PRH1: variants seen among roughly 807,000 people sequenced by gnomAD.
PRH1 encodes proline rich protein HaeIII subfamily 1.
PRH1 carries 7 observed loss-of-function variants against 7.9 expected under a neutral mutation model. The ratio of observed to expected loss-of-function variants is 0.89; its 90% CI spans 0.50 to 1.67. PRH1 has a LOEUF of 1.67. PRH1 is among the 40% of genes most tolerant of loss of function. PRH1 has a pLI of 0.00. For missense variants in PRH1, 109 were observed against 223.6 expected (o/e 0.49, Z 3.27); for synonymous variants, 45 against 80.8 (o/e 0.56, Z 2.38).
intron 2 of PRH1, among the ~76,000 whole-genome samples, chr12:10,969,558 C>G (rs538880838): frequency 7.1e-6 from 1 of 141,842 alleles, no homozygotes; most frequent in African/African-American, 2.6e-5. Context: ...AGTTTGCTAG[C>G]TATTTTTTTT....
At chr12:11,055,971 T>C (rs1035725434) in intron 1 of PRH1, among the ~76,000 whole-genome samples, 1 of 152,262 alleles carries the variant, frequency 6.6e-6, no homozygotes, top group Non-Finnish European at 1.5e-5. Flanking sequence ...AACTAATAAT[T>C]TTGTATAACT....
chr12:10,994,318 A>T (rs1014674091), intron 1 of PRH1, among the ~76,000 whole-genome samples: 43 of 152,132 alleles, frequency 2.8e-4, no homozygotes, highest in African/African-American at 1.0e-3. Flanking sequence ...CCTCAGGGAA[A>T]CCCTGGCCAG....
At chr12:10,911,927 A>T (rs1175731998) in intron 2 of PRH1, among the ~76,000 whole-genome samples, 7 of 152,154 alleles carry the variant, frequency 4.6e-5, no homozygotes, top group Non-Finnish European at 1.0e-4. Context: ...AACTATCTGC[A>T]ATTCAAATCA....
At chr12:10,954,622 C>A (rs1253845596) in intron 2 of PRH1, among the ~76,000 whole-genome samples, 1 of 152,128 alleles carries the variant, frequency 6.6e-6, no homozygotes, top group Non-Finnish European at 1.5e-5. Flanking sequence ...TGTGCACCAC[C>A]ATGACTGGCT....
chr12:11,002,280 T>C (rs373301172), intron 1 of PRH1, among the ~76,000 whole-genome samples: 1 of 152,110 alleles, frequency 6.6e-6, no homozygotes, highest in Non-Finnish European at 1.5e-5. Context: ...TCTATAAATG[T>C]GACTTCAATC....
intron 1 of PRH1, among the ~76,000 whole-genome samples, chr12:11,072,111 G>A (rs142494492): frequency 6.6e-3 from 994 of 151,262 alleles, no homozygotes; most frequent in Non-Finnish European, 0.01. Flanking sequence ...GGGACTACAG[G>A]TGAGCACCAC....
In PRH1 at chr12:11,136,193, T is replaced by C. The variant is rs531956258; in HGVS notation, n.40-15013A>G. Among the ~76,000 whole-genome samples the C allele has an allele frequency of 9.2e-5, 14 of 152,348 alleles. No homozygotes were observed. In the South Asian group the frequency reaches 2.9e-3, roughly 32 times the overall value. On this transcript the variant is annotated intron_variant and non_coding_transcript_variant, in intron 1 of 1. Coordinates refer to the PRH1 transcript ENST00000541175. ...ACTAGGTATGCAACCCTAAACTCCA[T>C]CGCTTGGTCTGGCCTGCTTTGAACT...
At chr12:11,007,885 C>T (rs1940899698) in intron 1 of PRH1, among the ~76,000 whole-genome samples, 2 of 151,994 alleles carry the variant, frequency 1.3e-5, no homozygotes, top group African/African-American at 4.8e-5. Context: ...CCACCCAAAC[C>T]CAGCTTAGGA....
intron 2 of PRH1, chr12:10,937,736 G>A (rs1161920693): frequency 6.6e-6 from 1 of 152,242 alleles, no homozygotes; most frequent in African/African-American, 2.4e-5. Context: ...AATGAGCAAA[G>A]CAAATGTGGT....
chr12:11,001,325 C>CT (rs913783457), intron 1 of PRH1, among the ~76,000 whole-genome samples: 1 of 152,074 alleles, frequency 6.6e-6, no homozygotes, highest in East Asian at 1.9e-4. Context: ...AAATTTTACT[C>CT]TTTTTTTATT....
intron 1 of PRH1, among the ~76,000 whole-genome samples, chr12:11,103,015 T>C (rs1017895912): frequency 2.0e-5 from 3 of 152,106 alleles, no homozygotes; most frequent in South Asian, 4.2e-4. Context: ...CCAGTTAGAA[T>C]GGCAATCATT....
intron 1 of PRH1, among the ~76,000 whole-genome samples, chr12:11,150,273 G>C (rs1049373638): frequency 6.6e-6 from 1 of 151,798 alleles, no homozygotes; most frequent in African/African-American, 2.4e-5. Context: ...GATTCCTCAG[G>C]GATCTAGAGC....
chr12:11,057,373 T>G (rs996185065), intron 1 of PRH1, among the ~76,000 whole-genome samples: 4 of 152,146 alleles, frequency 2.6e-5, no homozygotes, highest in Non-Finnish European at 5.9e-5. Context: ...ATCTAATCAG[T>G]TTGTAGTTAC....
intron 1 of PRH1, chr12:11,030,261 A>G (rs1229445603): frequency 1.6e-5 from 16 of 1,022,728 alleles, no homozygotes; most frequent in Non-Finnish European, 1.9e-5. Context: ...TTCTAGACTA[A>G]TATTAGGTCA....
chr12:10,946,552 C>G (rs144863430), intron 2 of PRH1, among the ~76,000 whole-genome samples: 3,008 of 152,198 alleles, frequency 0.02, 34 homozygotes, highest in South Asian at 0.031. Flanking sequence ...AATTAGTCTA[C>G]CTAGTGGCCT....
At chr12:10,973,086 A>G (rs1474331493) in intron 2 of PRH1, among the ~76,000 whole-genome samples, 2 of 151,998 alleles carry the variant, frequency 1.3e-5, no homozygotes, top group African/African-American at 2.4e-5. Flanking sequence ...ATATTTATCA[A>G]ACTGATCTCT....
intron 1 of PRH1, chr12:10,996,991 C>T (rs137857369): frequency 6.2e-7 from 1 of 1,613,636 alleles, no homozygotes; most frequent in South Asian, 1.1e-5. Flanking sequence ...AAGTCACCTG[C>T]CACAAAACTG....
At chr12:11,139,150 T>C (rs944142133) in intron 1 of PRH1, among the ~76,000 whole-genome samples, 9 of 152,374 alleles carry the variant, frequency 5.9e-5, no homozygotes, top group African/African-American at 2.2e-4. Flanking sequence ...GAATATGCTG[T>C]ATCACCCTGA....
At chr12:11,052,284 T>C (rs558408457) in intron 1 of PRH1, among the ~76,000 whole-genome samples, 1 of 152,382 alleles carries the variant, frequency 6.6e-6, no homozygotes, top group South Asian at 2.1e-4. Flanking sequence ...AAAAATATCA[T>C]TTTCAATTTC....
Sources: gnomAD v4.1 joint callset for allele counts (sites outside exome capture counted in the v4.1 genomes callset) on GRCh38, gnomAD v4.1.1 for gene constraint, MANE v1.5 for transcripts, NCBI Gene and HGNC (gene_info 2026-07-23, HGNC 2026-07-21) for gene names.